Variants in ANXA7 observed in about 807,000 individuals in gnomAD.
The protein encoded by ANXA7 is annexin VII.
A neutral mutation model predicts 64.9 loss-of-function variants in ANXA7; 55 were observed. The observed-to-expected ratio is 0.85, with a 90% confidence interval of 0.68 to 1.06. The LOEUF is 1.06. ANXA7 is among the 50% of genes least tolerant of loss of function. ANXA7 has a pLI of 0.00. For missense variants in ANXA7, 548 were observed against 582.1 expected (o/e 0.94, Z 0.60); for synonymous variants, 200 against 192.4 (o/e 1.04, Z -0.33).
intron 2 of ANXA7, among the ~76,000 whole-genome samples, chr10:73,399,819 T>TCAAAAAA (rs550845480): frequency 6.9e-6 from 1 of 144,366 alleles, no homozygotes; most frequent in African/African-American, 2.6e-5. Flanking sequence ...AGACTCCATC[T>TCAAAAAA]CAAAAACAAA....
chr10:73,399,389 A>C (rs1457364602), intron 2 of ANXA7, among the ~76,000 whole-genome samples: 2 of 152,246 alleles, frequency 1.3e-5, no homozygotes, highest in Non-Finnish European at 2.9e-5. Flanking sequence ...GAACATATCC[A>C]TAATTCTCAT....
intron 1 of ANXA7, among the ~76,000 whole-genome samples, chr10:73,407,035 C>A (rs78666269): frequency 6.6e-6 from 1 of 152,102 alleles, no homozygotes; most frequent in Admixed American, 6.6e-5. Flanking sequence ...GCTCAAGTCT[C>A]CTCTCTTCCT....
intron 1 of ANXA7, among the ~76,000 whole-genome samples, chr10:73,411,447 T>G (rs538003499): frequency 8.5e-5 from 13 of 152,292 alleles, no homozygotes; most frequent in African/African-American, 3.1e-4. Flanking sequence ...TGAAATTTTA[T>G]CTTTTTTTTT....
chr10:73,387,866 T>C, intron 6 of ANXA7, 83 bp from the exon 7 acceptor site: 1 of 1,130,660 alleles, frequency 8.8e-7, no homozygotes, highest in South Asian at 1.4e-5. Context: ...TTTTTTTTTT[T>C]TTGAGACGGA....
At chr10:73,393,159 C>T (rs2132674684) in intron 5 of ANXA7, among the ~76,000 whole-genome samples, 1 of 152,164 alleles carries the variant, frequency 6.6e-6, no homozygotes, top group South Asian at 2.1e-4. Context: ...TGTGAAGGAC[C>T]TCTTCAAGGA....
At chr10:73,387,567 T>C in intron 7 of ANXA7, 122 bp downstream of exon 7, 2 of 781,014 alleles carry the variant, frequency 2.6e-6, no homozygotes, top group South Asian at 3.0e-5. Context: ...CCTTGAGGTC[T>C]CTAAAGTCTA....
chr10:73,401,271 C>A (rs1027990119), intron 1 of ANXA7, among the ~76,000 whole-genome samples: 1 of 150,616 alleles, frequency 6.6e-6, no homozygotes, highest in African/African-American at 2.5e-5. Flanking sequence ...ACAACACACA[C>A]ACACACACAC....
At chr10:73,403,407 G>C (rs1354664176) in intron 1 of ANXA7, among the ~76,000 whole-genome samples, 1 of 152,104 alleles carries the variant, frequency 6.6e-6, no homozygotes, top group African/African-American at 2.4e-5. Context: ...AGGATCACTT[G>C]AGCCCAAGAC....
chr10:73,390,192 T>C (rs2055446447), intron 5 of ANXA7, among the ~76,000 whole-genome samples: 2 of 152,178 alleles, frequency 1.3e-5, no homozygotes, highest in African/African-American at 4.8e-5. Context: ...AAAAGATGAT[T>C]CAATGCTTTT....
chr10:73,413,452 A>G (rs142358905), intron 1 of ANXA7, among the ~76,000 whole-genome samples: 3 of 152,310 alleles, frequency 2.0e-5, no homozygotes, highest in Non-Finnish European at 4.4e-5. Flanking sequence ...GCTAATTTCA[A>G]CACAGATTTG....
chr10:73,391,768 C>G, intron 5 of ANXA7, among the ~76,000 whole-genome samples: 1 of 152,142 alleles, frequency 6.6e-6, no homozygotes, highest in Non-Finnish European at 1.5e-5. Flanking sequence ...CACATCCATA[C>G]TCAACATCAA....
intron 1 of ANXA7, among the ~76,000 whole-genome samples, chr10:73,410,512 G>A (rs992718780): frequency 1.3e-5 from 2 of 152,200 alleles, no homozygotes; most frequent in South Asian, 4.1e-4. Flanking sequence ...GGCCGGGCGC[G>A]GTAGCCCCCA....
intron 12 of ANXA7, 72 bp downstream of exon 12, chr10:73,378,839 A>G (rs1452768175): frequency 8.7e-7 from 1 of 1,144,650 alleles, no homozygotes; most frequent in Non-Finnish European, 1.3e-6. Flanking sequence ...CTGACAACCA[A>G]CTGGGGAACT....
intron 1 of ANXA7, among the ~76,000 whole-genome samples, chr10:73,410,307 A>G (rs918167023): frequency 1.3e-5 from 2 of 151,344 alleles, no homozygotes; most frequent in Non-Finnish European, 2.9e-5. Flanking sequence ...AATCACAAAG[A>G]AAAAAAAACA....
At chr10:73,377,393 C>A (rs1367782864) in intron 12 of ANXA7, 1 of 151,416 alleles carries the variant, frequency 6.6e-6, no homozygotes, top group African/African-American at 2.4e-5. Context: ...CATGGTGAAA[C>A]CCAGTCTCTA....
chr10:73,400,039 A>C (rs2132688031), intron 2 of ANXA7, among the ~76,000 whole-genome samples: 1 of 151,762 alleles, frequency 6.6e-6, no homozygotes, highest in East Asian at 1.9e-4. Context: ...GCTACTCGGG[A>C]GGCTGAGGCA....
In ANXA7 at chr10:73,375,612, C is replaced by T. The variant is rs1308906039; in HGVS notation, c.*483G>A. The T allele has an allele frequency of 6.6e-6, 1 of 152,012 alleles. No homozygotes were observed. The highest frequency in any genetic ancestry group is 1.5e-5 in the Non-Finnish European group (1 of 68,026). 9.4% of individuals were successfully genotyped at this position (152,012 alleles called of 1,614,324 possible). ...TGGAAAGTGTTTATGAATACAGAAC[C>T]AATTTAGGCAAAATGAGATGCAAAT... On this transcript the variant is annotated 3_prime_UTR_variant, in exon 13 of 13. Transcript: ENST00000372921.
chr10:73,411,597 A>T (rs2055839646), intron 1 of ANXA7, among the ~76,000 whole-genome samples: 1 of 151,988 alleles, frequency 6.6e-6, no homozygotes, highest in Non-Finnish European at 1.5e-5. Flanking sequence ...GCACCCGGCT[A>T]AATTTTGTAT....
At chr10:73,410,766 A>T (rs1215940827) in intron 1 of ANXA7, among the ~76,000 whole-genome samples, 1 of 147,476 alleles carries the variant, frequency 6.8e-6, no homozygotes, top group Non-Finnish European at 1.5e-5. Flanking sequence ...TGGCAACGAG[A>T]GCGAGACTCC....
Sources: gnomAD v4.1 joint callset for allele counts (sites outside exome capture counted in the v4.1 genomes callset) on GRCh38, gnomAD v4.1.1 for gene constraint, MANE v1.5 for transcripts, NCBI Gene and HGNC (gene_info 2026-07-23, HGNC 2026-07-21) for gene names.